SEPTIN9: variants seen among roughly 807,000 people sequenced by gnomAD.
The protein encoded by SEPTIN9 is septin 9.
A neutral mutation model predicts 56.6 loss-of-function variants in SEPTIN9; 13 were observed. The ratio of observed to expected loss-of-function variants is 0.23; its 90% CI spans 0.15 to 0.37. The LOEUF is 0.37. SEPTIN9 is among the 10% of genes least tolerant of loss of function. SEPTIN9 has a pLI of 1.00. For missense variants in SEPTIN9, 650 were observed against 823.1 expected (o/e 0.79, Z 2.57); for synonymous variants, 332 against 334.1 (o/e 0.99, Z 0.07).
intron 3 of SEPTIN9, among the ~76,000 whole-genome samples, chr17:77,448,158 G>A (rs981268405): frequency 2.6e-5 from 4 of 152,124 alleles, no homozygotes; most frequent in African/African-American, 4.8e-5. Context: ...TGATGACCTG[G>A]TATTATCCTA....
intron 3 of SEPTIN9, among the ~76,000 whole-genome samples, chr17:77,403,329 C>T (rs2035965810): frequency 6.6e-6 from 1 of 152,208 alleles, no homozygotes; most frequent in South Asian, 2.1e-4. Flanking sequence ...ATTCTCAGGG[C>T]ACTGGGAAGG....
At chr17:77,293,802 C>T (rs902298389) in intron 1 of SEPTIN9, among the ~76,000 whole-genome samples, 4 of 152,056 alleles carry the variant, frequency 2.6e-5, no homozygotes, top group Admixed American at 6.6e-5. Flanking sequence ...TTTTCTATTT[C>T]GAGAACAGAA....
At chr17:77,395,646 A>G (rs929267375) in intron 2 of SEPTIN9, among the ~76,000 whole-genome samples, 12 of 152,164 alleles carry the variant, frequency 7.9e-5, no homozygotes, top group African/African-American at 2.9e-4. Flanking sequence ...ACCCACCGCC[A>G]TTCATTCCAT....
At position 77,317,708 on chromosome 17, in the gene SEPTIN9, G is replaced by T. The variant is rs904872124; in HGVS notation, c.76+10511G>T. Among the ~76,000 whole-genome samples the T allele has an allele frequency of 6.6e-6, 1 of 152,052 alleles. No homozygotes were observed. The highest frequency in any genetic ancestry group is 1.5e-5 in the Non-Finnish European group (1 of 68,012). On this transcript the variant is annotated intron_variant, in intron 2 of 11. Coordinates refer to ENST00000427177, the MANE Select transcript of SEPTIN9 (RefSeq NM_001113491.2). This position sits in a 1 kb window ranked among gnomAD's most constrained non-coding sequence, Gnocchi z 4.2. Reference sequence around the variant, plus strand: ...CAATCAATACAACGTGCTTGTGGCCGGGTGCAGTGGCTCACACCTGTAATC... The same window carrying T: ...CAATCAATACAACGTGCTTGTGGCCTGGTGCAGTGGCTCACACCTGTAATC...
chr17:77,451,383 C>T lies in SEPTIN9; in HGVS notation c.722-30761C>T, dbSNP rs1258534663. On this transcript the variant is annotated intron_variant, in intron 3 of 11. Coordinates refer to ENST00000427177, the MANE Select transcript of SEPTIN9 (RefSeq NM_001113491.2). The surrounding 1 kb of genome is among the most constrained non-coding windows in gnomAD (Gnocchi z 4.2). ...CCTTCCCAGGCAGTCGAGGTCCCTC[C>T]CTACCTCTGCCCCGCGCTCTGGGAG... is the stretch of plus-strand genomic sequence containing the variant. The T allele has an allele frequency of 1.0e-6, 1 of 985,750 alleles. No homozygotes were observed. Among genetic ancestry groups the T allele is most frequent in the African/African-American group, 1.7e-5 (1 of 57,244 alleles). 61.1% of individuals were successfully genotyped at this position (985,750 alleles called of 1,614,324 possible).
At position 77,437,766 on chromosome 17, in the gene SEPTIN9, G is replaced by A. The variant is rs902353068; in HGVS notation, c.721+35063G>A. 1.8e-4 allele frequency among the ~76,000 whole-genome samples: 27 copies of A among 152,164 alleles called. No homozygotes were observed. The highest frequency in any genetic ancestry group is 6.3e-4 in the African/African-American group (26 of 41,408). On this transcript the variant is annotated intron_variant, in intron 3 of 11. Transcript: ENST00000427177. The surrounding 1 kb of genome is among the most constrained non-coding windows in gnomAD (Gnocchi z 5.3). ...GTCACGAGCCAAGGATGGAGTTTCT[G>A]GGGAGGACTTTCTGCTGCCCCCCAA... is the stretch of plus-strand genomic sequence containing the variant.
intron 4 of SEPTIN9, among the ~76,000 whole-genome samples, chr17:77,486,938 G>A (rs375666): frequency 0.52 from 79,605 of 152,128 alleles, 21,410 homozygotes; most frequent in Middle Eastern, 0.66. Context: ...GTGAGGTCAG[G>A]TGACTTGCCC....
At position 77,421,814 on chromosome 17, in the gene SEPTIN9, G is replaced by A. The variant is rs1432740327; in HGVS notation, c.721+19111G>A. On this transcript the variant is annotated intron_variant, in intron 3 of 11. Transcript: ENST00000427177. This position sits in a 1 kb window ranked among gnomAD's most constrained non-coding sequence, Gnocchi z 4.6. ...CAGCTGCCACGCTCATTTCACAGTCGAGACACCCTGGCCGAAGGTTCTGCT... is the reference window on the plus strand; with the variant it reads ...CAGCTGCCACGCTCATTTCACAGTCAAGACACCCTGGCCGAAGGTTCTGCT... Among the ~76,000 whole-genome samples, 3 of 152,064 alleles carry A rather than the reference G, an allele frequency of 2.0e-5. No homozygotes were observed. Among genetic ancestry groups the A allele is most frequent in the Non-Finnish European group, 2.9e-5 (2 of 68,006 alleles).
intron 3 of SEPTIN9, among the ~76,000 whole-genome samples, chr17:77,424,506 C>A (rs1307644960): frequency 6.6e-6 from 1 of 152,216 alleles, no homozygotes; most frequent in Non-Finnish European, 1.5e-5. Flanking sequence ...CACAGTCCAG[C>A]CTGCTTGGGC....
intron 2 of SEPTIN9, among the ~76,000 whole-genome samples, chr17:77,391,265 C>T (rs1295434601): frequency 1.3e-5 from 2 of 152,156 alleles, no homozygotes; most frequent in African/African-American, 2.4e-5. Context: ...TAGGCCTCCT[C>T]CCGTTTCTTT....
At chr17:77,346,222 G>A (rs1254873695) in intron 2 of SEPTIN9, among the ~76,000 whole-genome samples, 4 of 145,800 alleles carry the variant, frequency 2.7e-5, no homozygotes, top group Admixed American at 7.0e-5. Flanking sequence ...GATTACAGGC[G>A]TGAGCTACAC....
rs543048496 is a variant in SEPTIN9, at chr17:77,425,740, C to T, written c.721+23037C>T. On this transcript the variant is annotated intron_variant, in intron 3 of 11. Coordinates refer to ENST00000427177, the MANE Select transcript of SEPTIN9 (RefSeq NM_001113491.2). The surrounding 1 kb of genome is among the most constrained non-coding windows in gnomAD (Gnocchi z 4.2). ...GGGAGGCTAAGAGGAAGCTGCCCCCCGCTCATCTACCCCCCAACCCTCCCA... is the reference window on the plus strand; with the variant it reads ...GGGAGGCTAAGAGGAAGCTGCCCCCTGCTCATCTACCCCCCAACCCTCCCA... Among the ~76,000 whole-genome samples the T allele has an allele frequency of 5.9e-5, 9 of 151,680 alleles. No individual in the cohort carries two copies. The highest frequency in any genetic ancestry group is 2.1e-4 in the South Asian group (1 of 4,762).
At chr17:77,432,515 C>T (rs2037183542) in intron 3 of SEPTIN9, among the ~76,000 whole-genome samples, 1 of 152,194 alleles carries the variant, frequency 6.6e-6, no homozygotes, top group Non-Finnish European at 1.5e-5. Flanking sequence ...CCCAAGGGTT[C>T]CCTTTGCAAT....
chr17:77,368,473 G>A (rs922341837), intron 2 of SEPTIN9, among the ~76,000 whole-genome samples: 2 of 152,052 alleles, frequency 1.3e-5, no homozygotes, highest in African/African-American at 2.4e-5. Flanking sequence ...CACCACGCCC[G>A]GCTGATTTTT....
At chr17:77,357,121 G>C (rs950263672) in intron 2 of SEPTIN9, among the ~76,000 whole-genome samples, 2 of 152,102 alleles carry the variant, frequency 1.3e-5, no homozygotes, top group African/African-American at 2.4e-5. Context: ...TGCACTGAGG[G>C]CACAAAGGGC....
At chr17:77,307,913 C>T (rs567308367) in intron 2 of SEPTIN9, among the ~76,000 whole-genome samples, 21 of 152,302 alleles carry the variant, frequency 1.4e-4, no homozygotes, top group African/African-American at 4.8e-4. Flanking sequence ...TGAGTCTGCG[C>T]GTCATCTTCT....
At chr17:77,356,171 C>T (rs536612586) in intron 2 of SEPTIN9, among the ~76,000 whole-genome samples, 13 of 152,216 alleles carry the variant, frequency 8.5e-5, no homozygotes, top group African/African-American at 3.1e-4. Flanking sequence ...GAAGAGGCGA[C>T]ACTGTGTCTC....
Position 77,402,834 on chromosome 17 carries a change from G to A in SEPTIN9, c.721+131G>A, listed in dbSNP as rs980777411. On this transcript the variant is annotated intron_variant, in intron 3 of 11. Coordinates refer to ENST00000427177, the MANE Select transcript of SEPTIN9 (RefSeq NM_001113491.2). This position sits in a 1 kb window ranked among gnomAD's most constrained non-coding sequence, Gnocchi z 6.6. ...GCTACCCTGGAGACCCAGAAAGACC[G>A]GAATGCATGGGGGTGGGGGTCTGCA... is the stretch of plus-strand genomic sequence containing the variant. 8 of 890,610 alleles carry A rather than the reference G, an allele frequency of 9.0e-6. No individual in the cohort carries two copies. The highest frequency in any genetic ancestry group is 2.9e-5 in the Admixed American group (1 of 34,638). The allele number at this position is 890,610 out of a possible 1,614,324, so 55.2% of individuals were successfully genotyped here. A position where few individuals can be genotyped will look rare whatever the true frequency, so the allele number is the denominator to read the frequency against.
In SEPTIN9 at chr17:77,494,138, G is replaced by A. The variant is rs933163896; in HGVS notation, c.1573+1062G>A. ...TTGGACTTAGGGCCTACCCTAAGTG[G>A]ATGATCCCATTTGGAGATCCTTAAT... On this transcript the variant is annotated intron_variant, in intron 10 of 11. Transcript: ENST00000427177. Among the ~76,000 whole-genome samples, 7 of 151,980 alleles carry A rather than the reference G, an allele frequency of 4.6e-5. No individual in the cohort carries two copies. The East Asian group carries it at 1.4e-3, about 29-fold the overall frequency.
Sources: allele counts gnomAD v4.1 joint callset (sites outside exome capture counted in the v4.1 genomes callset), GRCh38; gene constraint gnomAD v4.1.1; non-coding constraint Gnocchi (gnomAD v3.1); transcripts MANE v1.5; gene names NCBI Gene and HGNC (gene_info 2026-07-23, HGNC 2026-07-21).